The following ATXN8OS variants were observed in gnomAD, a reference collection of about 807,000 sequenced individuals.
The protein encoded by ATXN8OS is ATXN8 opposite strand (non-protein coding).
At chr13:70,116,876 T>C (rs1018813113) in intron 2 of ATXN8OS, among the ~76,000 whole-genome samples, 25 of 152,084 alleles carry the variant, frequency 1.6e-4, no homozygotes, top group African/African-American at 6.0e-4. Flanking sequence ...GTCTTTTTCT[T>C]TTCATTTTTA....
intron 1 of ATXN8OS, among the ~76,000 whole-genome samples, chr13:70,109,409 A>G (rs1888161292): frequency 6.6e-6 from 1 of 152,210 alleles, no homozygotes; most frequent in Non-Finnish European, 1.5e-5. Context: ...TCACAGTTTC[A>G]GTAACCCCCA....
chr13:70,152,232 A>G (rs1888876689), intron 4 of ATXN8OS, among the ~76,000 whole-genome samples: 2 of 151,962 alleles, frequency 1.3e-5, no homozygotes, highest in Admixed American at 1.3e-4. Context: ...TGAAGTTCGA[A>G]CTTGAAGTCT....
At chr13:70,146,086 A>C (rs1405599548) in intron 3 of ATXN8OS, among the ~76,000 whole-genome samples, 1 of 142,754 alleles carries the variant, frequency 7.0e-6, no homozygotes, top group Non-Finnish European at 1.5e-5. Flanking sequence ...AAACAACCCC[A>C]TCAAAAAGTG....
intron 4 of ATXN8OS, among the ~76,000 whole-genome samples, chr13:70,154,405 T>G (rs1052850765): frequency 1.3e-5 from 2 of 152,208 alleles, no homozygotes; most frequent in African/African-American, 4.8e-5. Flanking sequence ...TTTCCTTCTC[T>G]GTCTACCTAA....
intron 2 of ATXN8OS, among the ~76,000 whole-genome samples, chr13:70,127,790 G>C (rs1468543495): frequency 6.6e-6 from 1 of 151,874 alleles, no homozygotes; most frequent in Non-Finnish European, 1.5e-5. Context: ...AAATTAAGCA[G>C]TGCATTTCAG....
chr13:70,112,975 T>G (rs1593754745), intron 1 of ATXN8OS, among the ~76,000 whole-genome samples: 1 of 139,430 alleles, frequency 7.2e-6, no homozygotes, highest in Non-Finnish European at 1.5e-5. Flanking sequence ...GAGGCTGGAG[T>G]GCAGTGGCGT....
At chr13:70,160,765 AATATGTAAATATATAAATATTTATT>A (rs1888997913) in intron 4 of ATXN8OS, among the ~76,000 whole-genome samples, 2 of 68,410 alleles carry the variant, frequency 2.9e-5, no homozygotes, top group African/African-American at 7.8e-5. Context: ...ATATTTATAT[AATATGTAAATATATAAATATTTATT>A]TATAAATATA....
chr13:70,112,306 T>C (rs774892704), intron 1 of ATXN8OS, among the ~76,000 whole-genome samples: 1 of 152,140 alleles, frequency 6.6e-6, no homozygotes, highest in Admixed American at 6.6e-5. Context: ...CCAAACCATA[T>C]CATACATTAA....
chr13:70,152,429 G>A (rs930504234), intron 4 of ATXN8OS, among the ~76,000 whole-genome samples: 1 of 151,468 alleles, frequency 6.6e-6, no homozygotes, highest in Non-Finnish European at 1.5e-5. Flanking sequence ...ATACACATAT[G>A]TACATATATG....
At chr13:70,145,701 T>G (rs1888774635) in intron 3 of ATXN8OS, among the ~76,000 whole-genome samples, 2 of 152,310 alleles carry the variant, frequency 1.3e-5, no homozygotes, top group African/African-American at 4.8e-5. Flanking sequence ...ACATTGATTT[T>G]GTATCCTGAG....
At chr13:70,110,295 TAATAC>T (rs1272420886) in intron 1 of ATXN8OS, among the ~76,000 whole-genome samples, 1 of 152,108 alleles carries the variant, frequency 6.6e-6, no homozygotes, top group Non-Finnish European at 1.5e-5. Context: ...TTGTCAATCT[TAATAC>T]AATATATAAG....
chr13:70,138,024 G>C lies in ATXN8OS; in HGVS notation n.499+8140G>C, dbSNP rs145696519. 1.2e-4 allele frequency among the ~76,000 whole-genome samples: 18 copies of C among 152,276 alleles called. No individual in the cohort carries two copies. In the East Asian group the frequency reaches 3.5e-3, roughly 29 times the overall value. The stretch of plus-strand genomic sequence containing the variant: ...ACTTTTAAATGACCAGACCTTGAGA[G>C]AACTTATTATCACGAGAACAACATG... On this transcript the variant is annotated intron_variant and non_coding_transcript_variant, in intron 3 of 4. Transcript: ENST00000678624.
Position 70,160,790 on chromosome 13 carries a change from TTATAAATATATTTATTATAAATATA to T in ATXN8OS, n.574-8951_574-8927del, listed in dbSNP as rs1447269538. ...AATATGTAAATATATAAATATTTATTTATAAATATATTTATTATAAATATATATAAATATATATTTATATATATAA... is the reference window on the plus strand; with the variant it reads ...AATATGTAAATATATAAATATTTATTTATAAATATATATTTATATATATAA... On this transcript the variant is annotated intron_variant and non_coding_transcript_variant, in intron 4 of 4. Coordinates refer to ENST00000678624, the Ensembl canonical transcript of ATXN8OS. 5.2e-5 allele frequency among the ~76,000 whole-genome samples: 3 copies of T among 57,962 alleles called. No homozygotes were observed. In the Admixed American group the frequency reaches 6.1e-4, roughly 12 times the overall value. The allele number at this position is 57,962 out of a possible 152,430, so 38.0% of individuals were successfully genotyped here.
intron 1 of ATXN8OS, among the ~76,000 whole-genome samples, chr13:70,111,340 G>C (rs1374773494): frequency 1.3e-5 from 2 of 152,152 alleles, no homozygotes; most frequent in Non-Finnish European, 2.9e-5. Context: ...ATTTATTATA[G>C]TTATGGAGGC....
intron 4 of ATXN8OS, among the ~76,000 whole-genome samples, chr13:70,149,205 G>A (rs781605425): frequency 2.0e-5 from 3 of 152,000 alleles, no homozygotes; most frequent in African/African-American, 4.8e-5. Context: ...GAACGAGAAC[G>A]ACTCATGTTT....
At chr13:70,152,424 CAT>C (rs1888881169) in intron 4 of ATXN8OS, among the ~76,000 whole-genome samples, 1 of 151,486 alleles carries the variant, frequency 6.6e-6, no homozygotes, top group Non-Finnish European at 1.5e-5. Flanking sequence ...CATATATACA[CAT>C]ATGTACATAT....
intron 2 of ATXN8OS, chr13:70,129,715 A>G: frequency 2.5e-6 from 1 of 398,066 alleles, no homozygotes; most frequent in East Asian, 3.6e-5. Flanking sequence ...TGTACAGACT[A>G]GCAAAATATT....
chr13:70,114,991 A>G, intron 1 of ATXN8OS: 1 of 390,460 alleles, frequency 2.6e-6, no homozygotes, highest in Non-Finnish European at 4.5e-6. Flanking sequence ...TAGAAGAGAG[A>G]CTCCTGGTAT....
intron 3 of ATXN8OS, among the ~76,000 whole-genome samples, chr13:70,136,026 G>A (rs1238210283): frequency 1.3e-5 from 2 of 152,168 alleles, no homozygotes; most frequent in African/African-American, 2.4e-5. Context: ...GTGAGCAGTG[G>A]GTTTTTAGAG....
Sources: allele counts gnomAD v4.1 joint callset (sites outside exome capture counted in the v4.1 genomes callset), GRCh38; gene constraint gnomAD v4.1.1; transcripts MANE v1.5; gene names NCBI Gene and HGNC (gene_info 2026-07-23, HGNC 2026-07-21).